PPP2R5D: variants seen among roughly 807,000 people sequenced by gnomAD.
The protein encoded by PPP2R5D is serine/threonine-protein phosphatase 2A 56 kDa regulatory subunit delta isoform.
In PPP2R5D, 12 loss-of-function variants were observed where a neutral mutation model predicts 79.1. The observed-to-expected ratio is 0.15, with a 90% CI of 0.10 to 0.25. The LOEUF (loss-of-function observed/expected upper bound fraction) is 0.25. Among genes scored for constraint, PPP2R5D ranks in the 10% least tolerant of loss-of-function variants. PPP2R5D has a pLI of 1.00. For synonymous variants in PPP2R5D, 277 were observed against 286.6 expected (o/e 0.97, Z 0.34); for missense variants, 419 against 760.2 (o/e 0.55, Z 5.28).
At chr6:43,005,868 C>G (rs138208106) in intron 2 of PPP2R5D, among the ~76,000 whole-genome samples, 2,813 of 152,180 alleles carry the variant, frequency 0.018, 41 homozygotes, top group Middle Eastern at 0.048. Flanking sequence ...GTGATCTGCC[C>G]TCCTCGGCCT....
chr6:42,994,359 G>T (rs1771481918), intron 2 of PPP2R5D, among the ~76,000 whole-genome samples: 1 of 152,184 alleles, frequency 6.6e-6, no homozygotes, highest in Admixed American at 6.5e-5. Context: ...TTCAACCCAG[G>T]TCTGTGTGAC....
chr6:43,003,239 G>A (rs1345979358), intron 2 of PPP2R5D, among the ~76,000 whole-genome samples: 2 of 151,954 alleles, frequency 1.3e-5, no homozygotes, highest in African/African-American at 2.4e-5. Context: ...CCTGGCCAAC[G>A]TGGAGAAACC....
At chr6:42,985,153 G>C (rs1250626917) in intron 1 of PPP2R5D, among the ~76,000 whole-genome samples, 4 of 151,896 alleles carry the variant, frequency 2.6e-5, no homozygotes, top group East Asian at 3.9e-4. Context: ...TACCCGCCTG[G>C]GACAGCCGCC....
At chr6:42,987,914 G>A (rs940814586) in intron 1 of PPP2R5D, among the ~76,000 whole-genome samples, 1 of 152,092 alleles carries the variant, frequency 6.6e-6, no homozygotes, top group African/African-American at 2.4e-5. Context: ...TCATGTCTGG[G>A]GTGTGTGCAG....
chr6:43,001,262 C>T (rs139954384), intron 2 of PPP2R5D, among the ~76,000 whole-genome samples: 1 of 152,178 alleles, frequency 6.6e-6, no homozygotes, highest in African/African-American at 2.4e-5. Context: ...CTGCCTCAGC[C>T]TCCCGAGTAG....
Position 43,007,551 on chromosome 6 carries a change from G to GCC in PPP2R5D, c.726+49_726+50dup. The GCC allele has an allele frequency of 6.7e-7, 1 of 1,500,722 alleles. No individual in the cohort carries two copies. The highest frequency in any genetic ancestry group is 9.3e-7 in the Non-Finnish European group (1 of 1,077,432). 93.0% of individuals were successfully genotyped at this position (1,500,722 alleles called of 1,614,324 possible). A position where few individuals can be genotyped will look rare whatever the true frequency, so the allele number is the denominator to read the frequency against. On this transcript the variant is annotated intron_variant, in intron 6 of 15. Transcript: ENST00000485511. This position sits in a 1 kb window ranked among gnomAD's most constrained non-coding sequence, Gnocchi z 4.5. ...TCCTTGCCCTCTCTTTCCATTCCAT[G>GCC]CCCCCTTCATCTGTGTCCCAGTGGC...
At chr6:43,000,236 CTTT>C (rs1204045076) in intron 2 of PPP2R5D, among the ~76,000 whole-genome samples, 1 of 106,016 alleles carries the variant, frequency 9.4e-6, no homozygotes. Context: ...GTCTGGCCAC[CTTT>C]TTTTTTTTTT....
At chr6:43,002,288 C>T (rs1283945673) in intron 2 of PPP2R5D, among the ~76,000 whole-genome samples, 1 of 152,024 alleles carries the variant, frequency 6.6e-6, no homozygotes, top group Non-Finnish European at 1.5e-5. Context: ...CCCAGCCTCC[C>T]GAGTAGCTGA....
chr6:43,011,000 G>T lies in PPP2R5D; in HGVS notation c.1671+3G>T, dbSNP rs762419342. 6.2e-7 allele frequency: 1 copy of T among 1,613,132 alleles called. No homozygotes were observed. Among genetic ancestry groups the T allele is most frequent in the Non-Finnish European group, 8.5e-7 (1 of 1,179,076 alleles). On this transcript the variant is annotated splice_donor_region_variant and intron_variant, in intron 15 of 15. Coordinates refer to ENST00000485511, the MANE Select transcript of PPP2R5D (RefSeq NM_006245.4). The surrounding 1 kb of genome is among the most constrained non-coding windows in gnomAD (Gnocchi z 4.7). ...CTGTGGAGACTGAGGCTGTTCAGGTGGGAGGGCAATGTAGGGGGATGGAGC... is the reference window on the plus strand; with the variant it reads ...CTGTGGAGACTGAGGCTGTTCAGGTTGGAGGGCAATGTAGGGGGATGGAGC...
intron 2 of PPP2R5D, among the ~76,000 whole-genome samples, chr6:42,991,843 A>G (rs1158780567): frequency 6.6e-6 from 1 of 152,176 alleles, no homozygotes; most frequent in South Asian, 2.1e-4. Context: ...GCCTAAGACA[A>G]TGGGTCTATT....
In PPP2R5D at chr6:43,007,724, C is replaced by T. The variant is rs9471992; in HGVS notation, c.727-211C>T. 0.099 allele frequency among the ~76,000 whole-genome samples: 15,012 copies of T among 152,184 alleles called. 1,198 individuals carry two copies. Among genetic ancestry groups the T allele is most frequent in the African/African-American group, 0.2 (8,102 of 41,494 alleles). On this transcript the variant is annotated intron_variant, in intron 6 of 15. Transcript: ENST00000485511. The surrounding 1 kb of genome is among the most constrained non-coding windows in gnomAD (Gnocchi z 4.5). The stretch of plus-strand genomic sequence containing the variant: ...TAGGAAACAAAAAAGCAACAGAGTA[C>T]CTCTCTCAGGTCAATAGTGAGGCAT...
intron 2 of PPP2R5D, among the ~76,000 whole-genome samples, chr6:43,003,450 AAG>A (rs1042816150): frequency 7.2e-5 from 11 of 152,136 alleles, no homozygotes; most frequent in Non-Finnish European, 1.0e-4. Context: ...TAAAAATAAA[AAG>A]AGATAATTTT....
Position 43,006,382 on chromosome 6 carries a change from A to G in PPP2R5D, c.106-81A>G, listed in dbSNP as rs1405127358. The G allele has an allele frequency of 6.5e-7, 1 of 1,539,244 alleles. No homozygotes were observed. Among genetic ancestry groups the G allele is most frequent in the Non-Finnish European group, 8.7e-7 (1 of 1,143,672 alleles). On this transcript the variant is annotated intron_variant, in intron 2 of 15. Transcript: ENST00000485511. The surrounding 1 kb of genome is among the most constrained non-coding windows in gnomAD (Gnocchi z 4.7). ...TCACTGCCCAGGCCTGTGCAGGCAT[A>G]AACAGACTTGGGGATGGCCAGGCCC...
Position 43,008,971 on chromosome 6 carries a change from G to A in PPP2R5D, c.1081-86G>A. 3 of 1,491,706 alleles carry A rather than the reference G, an allele frequency of 2.0e-6. No individual in the cohort carries two copies. The highest frequency in any genetic ancestry group is 2.8e-6 in the Non-Finnish European group (3 of 1,088,398). The allele number at this position is 1,491,706 out of a possible 1,614,324, so 92.4% of individuals were successfully genotyped here. On this transcript the variant is annotated intron_variant, in intron 10 of 15. Transcript: ENST00000485511. The surrounding 1 kb of genome is among the most constrained non-coding windows in gnomAD (Gnocchi z 4.2). ...GATCACCCAAACTGTGCCCACCAGG[G>A]TGGGGGAGAGAGCAGGTAGGAAAAC...
intron 2 of PPP2R5D, among the ~76,000 whole-genome samples, chr6:43,000,448 G>C (rs1384018866): frequency 6.6e-6 from 1 of 151,694 alleles, no homozygotes; most frequent in South Asian, 2.1e-4. Flanking sequence ...TCACCATGTT[G>C]GTCAGGCTGG....
intron 2 of PPP2R5D, 88 bp downstream of exon 2, chr6:42,989,776 G>C: frequency 1.5e-6 from 2 of 1,295,488 alleles, no homozygotes; most frequent in Non-Finnish European, 2.2e-6. Flanking sequence ...CCCAGGGGGT[G>C]AGGCAGAAGG....
Position 43,007,880 on chromosome 6 carries a change from A to G in PPP2R5D, c.727-55A>G, listed in dbSNP as rs1486059960. 6.2e-6 allele frequency: 10 copies of G among 1,607,830 alleles called. No individual in the cohort carries two copies. The highest frequency in any genetic ancestry group is 8.5e-6 in the Non-Finnish European group (10 of 1,175,516). ...TGGCGGGACCTATGTCACCCTGGCCACTGCCTTCCCTGGCTGCTGCCTCAC... is the reference window on the plus strand; with the variant it reads ...TGGCGGGACCTATGTCACCCTGGCCGCTGCCTTCCCTGGCTGCTGCCTCAC... On this transcript the variant is annotated intron_variant, in intron 6 of 15. Coordinates refer to ENST00000485511, the MANE Select transcript of PPP2R5D (RefSeq NM_006245.4). The surrounding 1 kb of genome is among the most constrained non-coding windows in gnomAD (Gnocchi z 4.5).
intron 2 of PPP2R5D, 86 bp downstream of exon 2, chr6:42,989,774 G>C: frequency 7.5e-7 from 1 of 1,337,016 alleles, no homozygotes; most frequent in Non-Finnish European, 1.0e-6. Flanking sequence ...ATCCCAGGGG[G>C]TGAGGCAGAA....
intron 2 of PPP2R5D, among the ~76,000 whole-genome samples, chr6:43,000,517 A>G (rs1450983835): frequency 6.6e-6 from 1 of 152,096 alleles, no homozygotes; most frequent in Non-Finnish European, 1.5e-5. Context: ...TGCTAGGATT[A>G]CAGGCATGAG....
Sources: gnomAD v4.1 joint callset for allele counts (sites outside exome capture counted in the v4.1 genomes callset) on GRCh38, gnomAD v4.1.1 for gene constraint, Gnocchi (gnomAD v3.1) non-coding constraint, MANE v1.5 for transcripts, NCBI Gene and HGNC (gene_info 2026-07-23, HGNC 2026-07-21) for gene names.